The following MYO3B variants were observed in gnomAD, a reference collection of about 807,000 sequenced individuals.
MYO3B encodes myosin-IIIb.
MYO3B carries 156 observed loss-of-function variants against 174.6 expected under a neutral mutation model. That is an observed-to-expected ratio of 0.89 (90% confidence interval 0.78 to 1.02). The LOEUF is 1.02. MYO3B is among the 50% of genes least tolerant of loss of function. The pLI, the probability that MYO3B is intolerant of heterozygous loss-of-function variation, is 0.00. For synonymous variants in MYO3B, 563 were observed against 569.1 expected, an observed-to-expected ratio of 0.99 and a Z score of 0.15; for missense variants, 1,632 against 1,639.4, an observed-to-expected ratio of 1.00 and a Z score of 0.08.
chr2:170,300,311 C>T (rs1173992812), intron 7 of MYO3B, among the ~76,000 whole-genome samples: 2 of 152,172 alleles, frequency 1.3e-5, no homozygotes, highest in Non-Finnish European at 2.9e-5. Context: ...GAGCTATGTT[C>T]TGGATAGTGC....
intron 3 of MYO3B, among the ~76,000 whole-genome samples, chr2:170,203,114 T>A (rs919722398): frequency 6.6e-6 from 1 of 152,218 alleles, no homozygotes; most frequent in African/African-American, 2.4e-5. Flanking sequence ...AATCTGTGAA[T>A]GCATTTTAAG....
At position 170,537,448 on chromosome 2, in the gene MYO3B, A is replaced by ATTTTTTT. The variant is rs559086883; in HGVS notation, c.3576-5431_3576-5425dup. On this transcript the variant is annotated intron_variant, in intron 30 of 34. Transcript: ENST00000408978. ...ACCTTCTCTTATTAAGAGCTCTTTG[A>ATTTTTTT]TTTTTTTTTTTTTTTTTTTTTTTTT... Among the ~76,000 whole-genome samples the ATTTTTTT allele has an allele frequency of 7.5e-3, 409 of 54,822 alleles. 88 individuals are homozygous for ATTTTTTT. Among genetic ancestry groups the ATTTTTTT allele is most frequent in the East Asian group, 0.018 (25 of 1,378 alleles). 36.0% of individuals were successfully genotyped at this position (54,822 alleles called of 152,430 possible). A position where few individuals can be genotyped will look rare whatever the true frequency, so the allele number is the denominator to read the frequency against.
intron 1 of MYO3B, among the ~76,000 whole-genome samples, chr2:170,196,105 T>G (rs1328041673): frequency 6.6e-6 from 1 of 152,232 alleles, no homozygotes; most frequent in East Asian, 1.9e-4. Context: ...TCATTTAATG[T>G]GCATATTAGG....
At chr2:170,403,948 A>T (rs377537357) in intron 19 of MYO3B, among the ~76,000 whole-genome samples, 6 of 150,946 alleles carry the variant, frequency 4.0e-5, no homozygotes, top group South Asian at 2.1e-4. Context: ...ACCAAAATAA[A>T]TTTTTTTTTT....
At chr2:170,278,148 A>C (rs548207632) in intron 7 of MYO3B, among the ~76,000 whole-genome samples, 1 of 152,276 alleles carries the variant, frequency 6.6e-6, no homozygotes, top group Non-Finnish European at 1.5e-5. Context: ...ATTTGGAGAC[A>C]ATCTGTAGCC....
intron 32 of MYO3B, among the ~76,000 whole-genome samples, chr2:170,642,083 T>A (rs1216355669): frequency 6.6e-6 from 1 of 152,164 alleles, no homozygotes; most frequent in Non-Finnish European, 1.5e-5. Context: ...CCTCTTCCTA[T>A]TGGAAGCCTG....
intron 32 of MYO3B, among the ~76,000 whole-genome samples, chr2:170,598,397 CA>C (rs1247075255): frequency 1.3e-5 from 2 of 152,220 alleles, no homozygotes; most frequent in Non-Finnish European, 2.9e-5. Context: ...TCTGAATAAA[CA>C]GAGTGCAGTT....
At chr2:170,409,090 A>C (rs2105819189) in intron 22 of MYO3B, among the ~76,000 whole-genome samples, 1 of 152,338 alleles carries the variant, frequency 6.6e-6, no homozygotes, top group South Asian at 2.1e-4. Context: ...TCTGGGAAAA[A>C]AATCTATCCA....
At position 170,195,196 on chromosome 2, in the gene MYO3B, C is replaced by T. The variant is rs2092585002; in HGVS notation, c.3-4012C>T. Among the ~76,000 whole-genome samples the T allele has an allele frequency of 2.0e-5, 3 of 151,908 alleles. No individual in the cohort carries two copies. The South Asian group carries it at 6.3e-4, about 32-fold the overall frequency. On this transcript the variant is annotated intron_variant, in intron 1 of 34. Transcript: ENST00000408978. The stretch of plus-strand genomic sequence containing the variant: ...GAGGGCAGTCACCTGGCAAAGACCC[C>T]ACCCACAGGCATGGAAACCCATGGC...
chr2:170,575,449 A>C (rs1417742210), intron 32 of MYO3B, among the ~76,000 whole-genome samples: 3 of 152,190 alleles, frequency 2.0e-5, no homozygotes, highest in African/African-American at 7.2e-5. Context: ...AAAAAAGCAT[A>C]GACAGTAGAT....
At chr2:170,566,952 A>T (rs957825522) in intron 32 of MYO3B, among the ~76,000 whole-genome samples, 1 of 152,198 alleles carries the variant, frequency 6.6e-6, no homozygotes, top group Non-Finnish European at 1.5e-5. Flanking sequence ...CCTGAGTCAC[A>T]GACTCAGACT....
At chr2:170,283,652 G>A (rs1051688278) in intron 7 of MYO3B, among the ~76,000 whole-genome samples, 3 of 152,078 alleles carry the variant, frequency 2.0e-5, no homozygotes, top group Non-Finnish European at 4.4e-5. Context: ...CTGCTGTAAA[G>A]CTACAAGCCA....
chr2:170,602,616 C>T (rs1410327492), intron 32 of MYO3B, among the ~76,000 whole-genome samples: 1 of 152,202 alleles, frequency 6.6e-6, no homozygotes, highest in Admixed American at 6.5e-5. Context: ...AGGCTTTCCT[C>T]ACCTCAGTTG....
intron 8 of MYO3B, chr2:170,343,936 A>G (rs2093996439): frequency 6.6e-6 from 1 of 152,254 alleles, no homozygotes; most frequent in African/African-American, 2.4e-5. Context: ...CAGTGGCTTT[A>G]AAGAGTTAGG....
intron 7 of MYO3B, among the ~76,000 whole-genome samples, chr2:170,271,645 A>G (rs1012840919): frequency 2.6e-5 from 4 of 152,196 alleles, no homozygotes; most frequent in Non-Finnish European, 4.4e-5. Context: ...TTAACATGCA[A>G]TGAACTCTGA....
At chr2:170,626,450 C>G (rs548242045) in intron 32 of MYO3B, among the ~76,000 whole-genome samples, 1 of 152,260 alleles carries the variant, frequency 6.6e-6, no homozygotes, top group Non-Finnish European at 1.5e-5. Flanking sequence ...TGTGTCTCTG[C>G]ACGTGAGATG....
intron 7 of MYO3B, among the ~76,000 whole-genome samples, chr2:170,237,533 C>CG (rs55901300): frequency 0.5 from 70,802 of 140,650 alleles, 17,799 homozygotes; most frequent in African/African-American, 0.62. Context: ...GTGTTTTTGG[C>CG]GGGGGGGAGG....
chr2:170,488,626 T>G (rs533501397), intron 25 of MYO3B, among the ~76,000 whole-genome samples: 27 of 152,326 alleles, frequency 1.8e-4, no homozygotes, highest in African/African-American at 4.6e-4. Flanking sequence ...ATAGCTTATA[T>G]GAAATAAAAG....
intron 22 of MYO3B, among the ~76,000 whole-genome samples, chr2:170,423,272 C>T (rs942042407): frequency 2.0e-5 from 3 of 152,108 alleles, no homozygotes; most frequent in African/African-American, 7.2e-5. Context: ...TGTGAGCCAC[C>T]GTGCCCAGCC....
Sources: allele counts gnomAD v4.1 joint callset (sites outside exome capture counted in the v4.1 genomes callset), GRCh38; gene constraint gnomAD v4.1.1; transcripts MANE v1.5; gene names NCBI Gene and HGNC (gene_info 2026-07-23, HGNC 2026-07-21).